SPATA6: variants seen among roughly 807,000 people sequenced by gnomAD.
SPATA6 encodes spermatogenesis-associated protein 6.
In SPATA6, 56 loss-of-function variants were observed where a neutral mutation model predicts 65.3. That is an observed-to-expected ratio of 0.86 (90% CI 0.69 to 1.07). SPATA6 has a LOEUF of 1.07. Ranked by LOEUF, SPATA6 falls within the 50% of genes least tolerant of loss-of-function variation. SPATA6 has a pLI of 0.00. For synonymous variants in SPATA6, 199 were observed against 213.2 expected (o/e 0.93, Z 0.58); for missense variants, 590 against 594.8 (o/e 0.99, Z 0.08).
chr1:48,283,238 A>T, the SPATA6 span, among the ~76,000 whole-genome samples: 58,268 of 147,596 alleles, frequency 0.39, 12,307 homozygotes, highest in African/African-American at 0.54. Flanking sequence ...ATGCTAAATG[A>T]CGAGTTGATG....
intron 11 of SPATA6, among the ~76,000 whole-genome samples, chr1:48,336,809 A>G (rs927290164): frequency 6.6e-6 from 1 of 152,004 alleles, no homozygotes; most frequent in Non-Finnish European, 1.5e-5. Context: ...TTTAAGAAAA[A>G]ATGCATAGGA....
chr1:48,316,410 G>C (rs147413969), intron 11 of SPATA6, among the ~76,000 whole-genome samples: 3,759 of 151,984 alleles, frequency 0.025, 99 homozygotes, highest in African/African-American at 0.068. Flanking sequence ...TTTGACAAAC[G>C]TGACAAAAAC....
At chr1:48,443,066 A>C (rs1250225639) in intron 3 of SPATA6, among the ~76,000 whole-genome samples, 2 of 152,216 alleles carry the variant, frequency 1.3e-5, no homozygotes, top group African/African-American at 4.8e-5. Context: ...GTAAGTGATA[A>C]GGAAGCAGAC....
intron 11 of SPATA6, among the ~76,000 whole-genome samples, chr1:48,329,688 T>C (rs142108045): frequency 1.0e-3 from 159 of 152,258 alleles, no homozygotes; most frequent in African/African-American, 3.7e-3. Context: ...GCCGCTCATA[T>C]GAGAAACCAC....
chr1:48,435,809 C>T (rs527334738), intron 3 of SPATA6, among the ~76,000 whole-genome samples: 18 of 152,284 alleles, frequency 1.2e-4, no homozygotes, highest in Non-Finnish European at 2.6e-4. Flanking sequence ...AGGGCTCTGG[C>T]GCCCGCCCCT....
chr1:48,298,860 C>G lies in SPATA6; in HGVS notation c.1320G>C (p.Leu440Phe). The change falls in exon 13 of 13, where the codon TTG becomes TTC. Residue 440 changes from leucine (L) to phenylalanine (F), a missense_variant. Transcript: ENST00000371847. ...TGTTGGACCAGTATTCACCGTCATC[C>G]AAATGGAAAGTGCCACGTGGCTGCT... Reference protein sequence around the residue: ...SCQQPRGTFHLDDGEYWSNRA... With the variant: ...SCQQPRGTFHFDDGEYWSNRA... 6.2e-7 allele frequency: 1 copy of G among 1,613,402 alleles called. No individual in the cohort carries two copies.
chr1:48,367,242 T>C (rs1396344489), intron 9 of SPATA6, among the ~76,000 whole-genome samples: 2 of 152,172 alleles, frequency 1.3e-5, no homozygotes, highest in African/African-American at 2.4e-5. Flanking sequence ...GGAATAAGTG[T>C]GGTGTGGTGC....
chr1:48,310,887 C>G (rs1190631396), intron 11 of SPATA6, among the ~76,000 whole-genome samples: 1 of 151,848 alleles, frequency 6.6e-6, no homozygotes, highest in East Asian at 1.9e-4. Flanking sequence ...GTTACCTGGC[C>G]ACAATAACAT....
In SPATA6 at chr1:48,298,796, A is replaced by G. The variant is rs746583980; in HGVS notation, c.1384T>C (p.Phe462Leu). 6.2e-7 allele frequency: 1 copy of G among 1,614,064 alleles called. No homozygotes were observed. The highest frequency in any genetic ancestry group is 8.5e-7 in the Non-Finnish European group (1 of 1,179,946). Residue 462 changes from phenylalanine (F) to leucine (L), a missense_variant, in exon 13 of 13, where the codon TTT becomes CTT. By Grantham distance (22) the Phe-to-Leu change is conservative (BLOSUM62 0). Coordinates refer to ENST00000371847, the MANE Select transcript of SPATA6 (RefSeq NM_019073.4). ...SYKGKSHRPIFENSMDKMYRN... is the reference protein window; with the variant it reads ...SYKGKSHRPILENSMDKMYRN... ...TACATCTTGTCCATGCTGTTCTCAAAGATGGGTCGGTGGGATTTTCCCTTA... is the reference window on the plus strand; with the variant it reads ...TACATCTTGTCCATGCTGTTCTCAAGGATGGGTCGGTGGGATTTTCCCTTA...
intron 3 of SPATA6, among the ~76,000 whole-genome samples, chr1:48,428,545 A>C (rs1328484730): frequency 6.6e-6 from 1 of 152,190 alleles, no homozygotes; most frequent in Non-Finnish European, 1.5e-5. Flanking sequence ...ATTAATAAGA[A>C]AATCATAAGG....
Position 48,443,571 on chromosome 1 carries a change from C to T in SPATA6, c.238+7981G>A, listed in dbSNP as rs188972658. Reference sequence around the variant, plus strand: ...CTTTGGCAGCAGTGACTCTCCAAAACTGCCAAGGCCTAGACCTCCTCACTG... The same window carrying T: ...CTTTGGCAGCAGTGACTCTCCAAAATTGCCAAGGCCTAGACCTCCTCACTG... On this transcript the variant is annotated intron_variant, in intron 3 of 12. Transcript: ENST00000371847. 2.4e-4 allele frequency among the ~76,000 whole-genome samples: 36 copies of T among 152,350 alleles called. 1 individual carries two copies. The highest frequency in any genetic ancestry group is 1.1e-3 in the Admixed American group (17 of 15,308).
At chr1:48,353,323 T>C (rs1646564844) in intron 11 of SPATA6, among the ~76,000 whole-genome samples, 1 of 150,856 alleles carries the variant, frequency 6.6e-6, no homozygotes, top group African/African-American at 2.4e-5. Flanking sequence ...AATAACAAAA[T>C]AGTTAAAAAG....
intron 11 of SPATA6, among the ~76,000 whole-genome samples, chr1:48,329,526 T>C (rs1172372777): frequency 6.6e-6 from 1 of 152,204 alleles, no homozygotes; most frequent in Non-Finnish European, 1.5e-5. Context: ...GAATTACTAT[T>C]ATCATGATTG....
rs1335564029 is a variant in SPATA6, at chr1:48,298,663, T to A, written c.*50A>T. The A allele has an allele frequency of 7.8e-6, 12 of 1,532,116 alleles. No homozygotes were observed. Among genetic ancestry groups the A allele is most frequent in the Non-Finnish European group, 1.1e-5 (12 of 1,134,998 alleles). The allele number at this position is 1,532,116 out of a possible 1,614,324, so 94.9% of individuals were successfully genotyped here. On this transcript the variant is annotated 3_prime_UTR_variant, in exon 13 of 13. Coordinates refer to ENST00000371847, the MANE Select transcript of SPATA6 (RefSeq NM_019073.4). ...TACAGATATTGATCACATCAAACAT[T>A]TTCATTGAGAAATTGACACGGACAC...
At chr1:48,445,855 T>C (rs1656001489) in intron 3 of SPATA6, among the ~76,000 whole-genome samples, 1 of 152,050 alleles carries the variant, frequency 6.6e-6, no homozygotes, top group Non-Finnish European at 1.5e-5. Flanking sequence ...GGGGAAGATG[T>C]GAGGCCTGAG....
intron 8 of SPATA6, among the ~76,000 whole-genome samples, chr1:48,386,681 C>G (rs1649505223): frequency 6.6e-6 from 1 of 152,166 alleles, no homozygotes; most frequent in Non-Finnish European, 1.5e-5. Flanking sequence ...ACCATGGATC[C>G]CTACGATACC....
chr1:48,377,308 A>T lies in SPATA6; in HGVS notation c.909+8001T>A, dbSNP rs750210175. On this transcript the variant is annotated intron_variant, in intron 9 of 12. Transcript: ENST00000371847. ...TCTCCAATATGTCCTAAAAGATTTAATCCCTACCTGCTTCTACAGGCTCAA... is the reference window on the plus strand; with the variant it reads ...TCTCCAATATGTCCTAAAAGATTTATTCCCTACCTGCTTCTACAGGCTCAA... 3.9e-5 allele frequency among the ~76,000 whole-genome samples: 6 copies of T among 152,196 alleles called. No homozygotes were observed. In the South Asian group the frequency reaches 1.2e-3, roughly 32 times the overall value.
chr1:48,299,590 T>A (rs945490937), intron 12 of SPATA6, among the ~76,000 whole-genome samples: 6 of 148,664 alleles, frequency 4.0e-5, no homozygotes, highest in African/African-American at 1.2e-4. Context: ...TCCAGCTCAG[T>A]CCTTTATAAG....
chr1:48,417,606 G>T (rs1048122645), intron 3 of SPATA6, among the ~76,000 whole-genome samples: 2 of 152,026 alleles, frequency 1.3e-5, no homozygotes, highest in African/African-American at 2.4e-5. Flanking sequence ...ACAAGGTCAG[G>T]AGTTCGAGTC....
Sources: allele counts gnomAD v4.1 joint callset (sites outside exome capture counted in the v4.1 genomes callset), GRCh38; gene constraint gnomAD v4.1.1; transcripts MANE v1.5; gene names NCBI Gene and HGNC (gene_info 2026-07-23, HGNC 2026-07-21).